The following MGAT5 variants were observed in gnomAD, a reference collection of about 807,000 sequenced individuals.
The protein encoded by MGAT5 is alpha-1,6-mannosylglycoprotein 6-beta-N-acetylglucosaminyltransferase, also known as alpha-1,6-mannosylglycoprotein 6-beta-N-acetylglucosaminyltransferase A.
A neutral mutation model predicts 94.3 loss-of-function variants in MGAT5; 30 were observed. The observed-to-expected ratio is 0.32, with a 90% CI of 0.24 to 0.43. MGAT5 has a LOEUF of 0.43. MGAT5 is among the 20% of genes least tolerant of loss of function. The pLI, the probability that MGAT5 is intolerant of heterozygous loss-of-function variation, is 1.00. For synonymous variants in MGAT5, 310 were observed against 322.9 expected (o/e 0.96, Z 0.43); for missense variants, 691 against 905.5 (o/e 0.76, Z 3.04).
chr2:134,345,867 G>C (rs1688895436), intron 8 of MGAT5, among the ~76,000 whole-genome samples: 1 of 151,966 alleles, frequency 6.6e-6, no homozygotes, highest in Non-Finnish European at 1.5e-5. Flanking sequence ...TTTCCTAAAG[G>C]TTATATGCTT....
At chr2:134,122,321 C>T (rs923147677) in intron 1 of MGAT5, among the ~76,000 whole-genome samples, 3 of 152,180 alleles carry the variant, frequency 2.0e-5, no homozygotes, top group Non-Finnish European at 4.4e-5. Flanking sequence ...CCAGGCTGGT[C>T]GCGAACTCCT....
chr2:134,137,283 A>G (rs540385418), intron 1 of MGAT5, among the ~76,000 whole-genome samples: 36 of 152,326 alleles, frequency 2.4e-4, no homozygotes, highest in Admixed American at 1.3e-4. Flanking sequence ...GGCATCCCCT[A>G]GGAATTGGGG....
At chr2:134,441,988 AG>A in intron 15 of MGAT5, 73 bp downstream of exon 15, 1 of 1,543,592 alleles carries the variant, frequency 6.5e-7, no homozygotes, top group Non-Finnish European at 8.9e-7. Context: ...GTCAGGTGAG[AG>A]GTACAGGTTT....
At chr2:134,230,875 G>A (rs1681327143) in intron 1 of MGAT5, among the ~76,000 whole-genome samples, 2 of 152,138 alleles carry the variant, frequency 1.3e-5, no homozygotes, top group African/African-American at 2.4e-5. Context: ...AACGCTCATA[G>A]CAGTTTTATT....
At position 134,244,305 on chromosome 2, in the gene MGAT5, G is replaced by T. The variant is rs574650522; in HGVS notation, c.-142-9957G>T. 5.7e-4 allele frequency among the ~76,000 whole-genome samples: 82 copies of T among 143,248 alleles called. No individual in the cohort carries two copies. The East Asian group carries it at 0.012, about 21-fold the overall frequency. 94.0% of individuals were successfully genotyped at this position (143,248 alleles called of 152,430 possible). A position where few individuals can be genotyped will look rare whatever the true frequency, so the allele number is the denominator to read the frequency against. ...CCAGGTGACAATCCTAGCGTTTTTT[G>T]TTTTTTTTTTTAATGGCTGTCTGAT... On this transcript the variant is annotated intron_variant, in intron 1 of 16. Coordinates refer to the MGAT5 transcript ENST00000409645.
At chr2:134,438,252 C>T (rs932526333) in intron 14 of MGAT5, among the ~76,000 whole-genome samples, 2 of 152,074 alleles carry the variant, frequency 1.3e-5, no homozygotes, top group African/African-American at 4.8e-5. Context: ...AGATTTGGGT[C>T]TCATCTCAAA....
At chr2:134,368,361 A>G (rs1431062957) in intron 10 of MGAT5, among the ~76,000 whole-genome samples, 1 of 152,228 alleles carries the variant, frequency 6.6e-6, no homozygotes, top group East Asian at 1.9e-4. Context: ...AGCATTTCAA[A>G]TAGTTTCCAG....
chr2:134,192,658 A>T (rs1679286412), intron 1 of MGAT5, among the ~76,000 whole-genome samples: 1 of 152,068 alleles, frequency 6.6e-6, no homozygotes. Context: ...ATTACTTTTT[A>T]AAATTTTTTT....
intron 1 of MGAT5, among the ~76,000 whole-genome samples, chr2:134,234,127 T>C (rs947789019): frequency 2.0e-5 from 3 of 152,200 alleles, no homozygotes; most frequent in African/African-American, 7.2e-5. Context: ...AAGTTGCTCA[T>C]GTGTTTCATT....
intron 1 of MGAT5, among the ~76,000 whole-genome samples, chr2:134,245,394 A>G (rs1225267203): frequency 6.6e-6 from 1 of 152,202 alleles, no homozygotes; most frequent in African/African-American, 2.4e-5. Context: ...GGCCTAGTGA[A>G]TGAAACTCAT....
intron 1 of MGAT5, among the ~76,000 whole-genome samples, chr2:134,230,509 C>G (rs1169722813): frequency 6.6e-6 from 1 of 152,124 alleles, no homozygotes; most frequent in Non-Finnish European, 1.5e-5. Context: ...TTGAACCTTG[C>G]CAACACAAAT....
chr2:134,303,472 G>T (rs1686151802), intron 2 of MGAT5, among the ~76,000 whole-genome samples: 1 of 152,112 alleles, frequency 6.6e-6, no homozygotes, highest in Non-Finnish European at 1.5e-5. Flanking sequence ...AACTTAAGAA[G>T]ACTTGCTTTT....
intron 14 of MGAT5, among the ~76,000 whole-genome samples, chr2:134,435,259 A>G (rs994410532): frequency 1.3e-5 from 2 of 152,122 alleles, no homozygotes; most frequent in Non-Finnish European, 1.5e-5. Flanking sequence ...CCCATAATAT[A>G]CACACTCTAC....
At chr2:134,193,037 G>T (rs1343019170) in intron 1 of MGAT5, among the ~76,000 whole-genome samples, 1 of 151,710 alleles carries the variant, frequency 6.6e-6, no homozygotes, top group East Asian at 1.9e-4. Context: ...AAGTATTTTG[G>T]TCTATTAGAA....
chr2:134,441,597 T>C (rs1177001409), intron 14 of MGAT5, among the ~76,000 whole-genome samples, 161 bp from the exon 15 acceptor site: 4 of 152,154 alleles, frequency 2.6e-5, no homozygotes, highest in Non-Finnish European at 4.4e-5. Context: ...TGAAGGCATA[T>C]TCCAGCTGAG....
At chr2:134,403,167 G>T in intron 11 of MGAT5, 30 bp downstream of exon 11, 1 of 1,572,318 alleles carries the variant, frequency 6.4e-7, no homozygotes. Context: ...GTGGTGTTCA[G>T]GTTATTGCCA....
At chr2:134,240,066 T>TTTTTTTTCA (rs1681888654) in intron 1 of MGAT5, among the ~76,000 whole-genome samples, 1 of 152,146 alleles carries the variant, frequency 6.6e-6, no homozygotes, top group African/African-American at 2.4e-5. Flanking sequence ...AAAAAAAAAT[T>TTTTTTTTCA]TCTTCCAAAG....
chr2:134,136,037 A>G (rs186263785), intron 1 of MGAT5, among the ~76,000 whole-genome samples: 2 of 152,356 alleles, frequency 1.3e-5, no homozygotes, highest in African/African-American at 4.8e-5. Context: ...AAATTTGGCA[A>G]TTCTTTCACT....
chr2:134,225,482 G>GT (rs113202208), intron 1 of MGAT5, among the ~76,000 whole-genome samples: 1,683 of 152,280 alleles, frequency 0.011, 22 homozygotes, highest in African/African-American at 0.037. Flanking sequence ...CCGTGTTTTA[G>GT]TTTAAGTTCT....
Sources: gnomAD v4.1 joint callset for allele counts (sites outside exome capture counted in the v4.1 genomes callset) on GRCh38, gnomAD v4.1.1 for gene constraint, MANE v1.5 for transcripts, NCBI Gene and HGNC (gene_info 2026-07-23, HGNC 2026-07-21) for gene names.